Variants in KIF15 observed in about 807,000 individuals in gnomAD.
KIF15 encodes the protein kinesin-like protein KIF15.
In KIF15, 140 loss-of-function variants were observed where a neutral mutation model predicts 190.6. The ratio of observed to expected loss-of-function variants is 0.73; its 90% confidence interval spans 0.64 to 0.84. The LOEUF (loss-of-function observed/expected upper bound fraction) is 0.84. Ranked by LOEUF, KIF15 falls within the 40% of genes least tolerant of loss-of-function variation. The pLI is 0.00. For synonymous variants in KIF15, 528 were observed against 551.3 expected, an observed-to-expected ratio of 0.96 and a Z score of 0.59; for missense variants, 1,372 against 1,584.4, an observed-to-expected ratio of 0.87 and a Z score of 2.28.
intron 6 of KIF15, among the ~76,000 whole-genome samples, chr3:44,860,553 A>G (rs1225347754): frequency 1.3e-5 from 2 of 152,106 alleles, no homozygotes; most frequent in African/African-American, 2.4e-5. Flanking sequence ...TTGTATTTTT[A>G]GTAGAGATGG....
chr3:44,832,759 A>T (rs1698130170), intron 26 of KIF15, among the ~76,000 whole-genome samples: 1 of 152,164 alleles, frequency 6.6e-6, no homozygotes. Flanking sequence ...TCACACCTGT[A>T]ATCCCAGCAT....
intron 30 of KIF15, among the ~76,000 whole-genome samples, chr3:44,847,228 CT>C (rs1336604552): frequency 1.3e-5 from 2 of 152,124 alleles, no homozygotes; most frequent in African/African-American, 4.8e-5. Flanking sequence ...AAGAAATGGT[CT>C]TTTACTCACC....
Position 44,841,056 on chromosome 3 carries a change from G to T in KIF15, c.3421-18G>T. On this transcript the variant is annotated intron_variant, in intron 28 of 34. Coordinates refer to ENST00000326047, the MANE Select transcript of KIF15 (RefSeq NM_020242.3). ...ATCACTTAATTGGATATTTGGATGA[G>T]ATGTGATTTTATTTTAGAGTCCTAA... is the stretch of plus-strand genomic sequence containing the variant. 2 of 1,588,460 alleles carry T rather than the reference G, an allele frequency of 1.3e-6. No individual in the cohort carries two copies. Among genetic ancestry groups the T allele is most frequent in the South Asian group, 1.1e-5 (1 of 87,646 alleles).
In KIF15 at chr3:44,810,904, G is replaced by A. The variant is rs145076863; in HGVS notation, c.2030G>A (p.Ser677Asn). The A allele has an allele frequency of 1.9e-6, 3 of 1,613,884 alleles. No individual in the cohort carries two copies. The African/African-American group carries it at 4.0e-5, about 22-fold the overall frequency. ...QLHSRPVPKLSPEMGSFGSLY... is the reference protein window; with the variant it reads ...QLHSRPVPKLNPEMGSFGSLY... Reference sequence around the variant, plus strand: ...CATTCCCGACCAGTACCAAAATTAAGCCCTGAAATGGGAAGCTTTGGCTCT... The same window carrying A: ...CATTCCCGACCAGTACCAAAATTAAACCCTGAAATGGGAAGCTTTGGCTCT... Residue 677 changes from serine (S) to asparagine (N), a missense_variant, in exon 17 of 35, where the codon AGC becomes AAC. Ser to Asn is a conservative substitution (Grantham distance 46). Transcript: ENST00000326047.
In KIF15 at chr3:44,784,827, T is replaced by TG; in HGVS notation, c.362-18_362-17insG. On this transcript the variant is annotated splice_polypyrimidine_tract_variant and intron_variant, in intron 5 of 34. Coordinates refer to ENST00000326047, the MANE Select transcript of KIF15 (RefSeq NM_020242.3). Reference sequence around the variant, plus strand: ...GGAATAGAATAAAAATCCAGTGTTTTTTTTTTCATTTTTTTAGGACCATCT... The same window carrying TG: ...GGAATAGAATAAAAATCCAGTGTTTTGTTTTTTCATTTTTTTAGGACCATCT... The TG allele has an allele frequency of 2.3e-6, 3 of 1,332,142 alleles. No individual in the cohort carries two copies. Among genetic ancestry groups the TG allele is most frequent in the Non-Finnish European group, 3.2e-6 (3 of 947,652 alleles). The allele number at this position is 1,332,142 out of a possible 1,614,324, so 82.5% of individuals were successfully genotyped here.
In KIF15 at chr3:44,797,591, A is replaced by C. The variant is rs1707049691; in HGVS notation, c.890A>C (p.Gln297Pro). 1 of 1,614,042 alleles carries C rather than the reference A, an allele frequency of 6.2e-7. No homozygotes were observed. The highest frequency in any genetic ancestry group is 1.1e-5 in the South Asian group (1 of 91,086). Residue 297 changes from glutamine to proline, a missense_variant, in exon 9 of 35, where the codon CAA becomes CCA. Physicochemically the swap from Gln to Pro is moderately conservative, Grantham distance 76. Coordinates refer to ENST00000326047, the MANE Select transcript of KIF15 (RefSeq NM_020242.3). ...AATCGATCATTGAGCTGCCTGGGCC[A>C]AGTGATTACAGCACTTGTCGACGTG... Reference protein sequence around the residue: ...NINRSLSCLGQVITALVDVGN... With the variant: ...NINRSLSCLGPVITALVDVGN...
At chr3:44,845,492 T>G (rs1159308233) in intron 30 of KIF15, among the ~76,000 whole-genome samples, 3 of 151,812 alleles carry the variant, frequency 2.0e-5, no homozygotes, top group African/African-American at 7.3e-5. Context: ...GAGAAGAAAC[T>G]TTGGAGACAG....
At chr3:44,829,438 A>ATATAATATGTG in intron 24 of KIF15, among the ~76,000 whole-genome samples, 1 of 138,922 alleles carries the variant, frequency 7.2e-6, no homozygotes, top group Non-Finnish European at 1.5e-5. Context: ...ATATATATGT[A>ATATAATATGTG]TATATTATAT....
At chr3:44,801,120 G>A (rs1707249221) in intron 11 of KIF15, among the ~76,000 whole-genome samples, 1 of 148,206 alleles carries the variant, frequency 6.7e-6, no homozygotes. Flanking sequence ...CGATTCTCCT[G>A]CCTCAGCCTC....
At chr3:44,814,520 A>G (rs1388642743) in intron 19 of KIF15, among the ~76,000 whole-genome samples, 2 of 152,194 alleles carry the variant, frequency 1.3e-5, no homozygotes, top group Non-Finnish European at 2.9e-5. Flanking sequence ...CATGTTGCTC[A>G]GTCTGGTCTC....
chr3:44,776,311 A>C (rs527427016), intron 3 of KIF15, among the ~76,000 whole-genome samples: 8 of 150,430 alleles, frequency 5.3e-5, no homozygotes, highest in Middle Eastern at 6.9e-3. Flanking sequence ...TATCCCAGCT[A>C]CTTGGAGGGC....
At chr3:44,854,077 T>TATG (rs1276968682), downstream of KIF15, among the ~76,000 whole-genome samples, 1 of 152,174 alleles carries the variant, frequency 6.6e-6, no homozygotes, top group African/African-American at 2.4e-5. Flanking sequence ...TACACAACTC[T>TATG]ATGTTTACTA....
chr3:44,783,579 A>G (rs1706267453), intron 5 of KIF15, among the ~76,000 whole-genome samples: 1 of 102,530 alleles, frequency 9.8e-6, no homozygotes, highest in South Asian at 4.1e-4. Context: ...GGCAAAACAT[A>G]CTATATCTTT....
In KIF15 at chr3:44,813,169, C is replaced by T. The variant is rs1181375201; in HGVS notation, c.2372C>T (p.Thr791Ile). 1.3e-6 allele frequency: 2 copies of T among 1,576,966 alleles called. No individual in the cohort carries two copies. Among genetic ancestry groups the T allele is most frequent in the African/African-American group, 2.7e-5 (2 of 73,420 alleles). Residue 791 changes from threonine to isoleucine, a missense_variant, in exon 19 of 35, where the codon ACT becomes ATT. Thr to Ile is a moderately conservative substitution (Grantham distance 89). Coordinates refer to ENST00000326047, the MANE Select transcript of KIF15 (RefSeq NM_020242.3). Reference sequence around the variant, plus strand: ...GAAAAGCAGCTTCAAGAGACTCAAACTAAAAATGACTGTAAGTTATTCTAT... The same window carrying T: ...GAAAAGCAGCTTCAAGAGACTCAAATTAAAAATGACTGTAAGTTATTCTAT... ...VLEKQLQETQ[T>I]KNDFLKSEVH...
intron 5 of KIF15, among the ~76,000 whole-genome samples, chr3:44,784,036 T>TA (rs1706287218): frequency 6.6e-6 from 1 of 152,246 alleles, no homozygotes. Context: ...AAGATATTCT[T>TA]ACAGTACTTT....
At chr3:44,794,180 C>T in intron 7 of KIF15, 37 bp from the exon 8 acceptor site, 1 of 1,543,080 alleles carries the variant, frequency 6.5e-7, no homozygotes, top group Non-Finnish European at 8.9e-7. Context: ...TGTAACTGGT[C>T]CTCTCATTTC....
At chr3:44,836,791 T>C (rs1387027958) in intron 26 of KIF15, among the ~76,000 whole-genome samples, 3 of 152,198 alleles carry the variant, frequency 2.0e-5, no homozygotes, top group Non-Finnish European at 4.4e-5. Flanking sequence ...ATAGCCAAGA[T>C]AGGAGATCAG....
intron 30 of KIF15, among the ~76,000 whole-genome samples, chr3:44,847,575 C>T (rs1406009500): frequency 1.3e-5 from 2 of 152,152 alleles, no homozygotes; most frequent in Non-Finnish European, 2.9e-5. Flanking sequence ...GAGGCCAGAG[C>T]GACCCTGCCT....
intron 16 of KIF15, among the ~76,000 whole-genome samples, chr3:44,806,790 G>C (rs778277941): frequency 6.6e-6 from 1 of 152,030 alleles, no homozygotes; most frequent in Non-Finnish European, 1.5e-5. Context: ...CTGTCGGCCA[G>C]GCTGGAGTGC....
Sources: gnomAD v4.1 joint callset for allele counts (sites outside exome capture counted in the v4.1 genomes callset) on GRCh38, gnomAD v4.1.1 for gene constraint, MANE v1.5 for transcripts, NCBI Gene and HGNC (gene_info 2026-07-23, HGNC 2026-07-21) for gene names.